PBX1: variants seen among roughly 807,000 people sequenced by gnomAD.
PBX1 encodes PBX homeobox 1.
Under a neutral mutation model 53.4 loss-of-function variants are expected in PBX1, and 6 were observed. That is an observed-to-expected ratio of 0.11 (90% CI 0.06 to 0.22). PBX1 has a LOEUF of 0.22. PBX1 is among the 10% of genes least tolerant of loss of function. PBX1 has a pLI of 1.00. For synonymous variants in PBX1, 204 were observed against 212.3 expected (o/e 0.96, Z 0.34); for missense variants, 251 against 551.4 (o/e 0.46, Z 5.46).
chr1:164,833,371 G>A (rs547471482), intron 8 of PBX1, among the ~76,000 whole-genome samples: 93 of 152,212 alleles, frequency 6.1e-4, no homozygotes, highest in African/African-American at 2.2e-3. Context: ...TATAAAATGA[G>A]CATTCTCTTT....
At chr1:164,719,291 G>A (rs1174178348) in intron 2 of PBX1, among the ~76,000 whole-genome samples, 1 of 152,206 alleles carries the variant, frequency 6.6e-6, no homozygotes, top group Non-Finnish European at 1.5e-5. Flanking sequence ...CATTCTGTTA[G>A]AGGTAGGGTT....
intron 2 of PBX1, among the ~76,000 whole-genome samples, chr1:164,872,222 A>AGCCTT (rs1486155245): frequency 1.1e-4 from 17 of 152,244 alleles, no homozygotes; most frequent in African/African-American, 4.1e-4. Flanking sequence ...GCAATCCTGC[A>AGCCTT]GCCTTGGCCC....
intron 2 of PBX1, among the ~76,000 whole-genome samples, chr1:164,785,642 T>A (rs1364584482): frequency 6.6e-6 from 1 of 152,222 alleles, no homozygotes; most frequent in Non-Finnish European, 1.5e-5. Context: ...AACCATGGGC[T>A]TCTTGAAGTC....
At chr1:164,579,326 C>A (rs1436524347) in intron 2 of PBX1, among the ~76,000 whole-genome samples, 1 of 151,366 alleles carries the variant, frequency 6.6e-6, no homozygotes, top group African/African-American at 2.5e-5. Flanking sequence ...TGCTTAGCGT[C>A]ATCTTTCACT....
chr1:164,707,418 T>TGTGAGAGA (rs58617739), intron 2 of PBX1, among the ~76,000 whole-genome samples: 17 of 118,268 alleles, frequency 1.4e-4, no homozygotes, highest in African/African-American at 6.1e-4. Flanking sequence ...TGTGTGTGTG[T>TGTGAGAGA]GAGAGAGAGA....
At chr1:164,820,640 C>G (rs2102364728) in intron 7 of PBX1, among the ~76,000 whole-genome samples, 1 of 152,234 alleles carries the variant, frequency 6.6e-6, no homozygotes, top group South Asian at 2.1e-4. Flanking sequence ...GCTTTAAAAA[C>G]ACCCAGCCAG....
chr1:164,707,869 G>C (rs953836381), intron 2 of PBX1, among the ~76,000 whole-genome samples: 1 of 152,216 alleles, frequency 6.6e-6, no homozygotes, highest in African/African-American at 2.4e-5. Context: ...CCAAGCAAAT[G>C]CTTTCGATTG....
intron 8 of PBX1, among the ~76,000 whole-genome samples, chr1:164,837,544 AT>A (rs1671100654): frequency 6.6e-6 from 1 of 152,182 alleles, no homozygotes; most frequent in Non-Finnish European, 1.5e-5. Context: ...ATGTTGTCGA[AT>A]GCTGTTTGTT....
chr1:164,875,589 A>G lies in PBX1; in HGVS notation n.258-23599A>G, dbSNP rs151070781. Among the ~76,000 whole-genome samples, 286 of 152,228 alleles carry G rather than the reference A, an allele frequency of 1.9e-3. 1 individual carries two copies. Among genetic ancestry groups the G allele is most frequent in the African/African-American group, 6.7e-3 (279 of 41,542 alleles). On this transcript the variant is annotated intron_variant and non_coding_transcript_variant, in intron 2 of 2. Coordinates refer to the PBX1 transcript ENST00000558796. ...ACTGGAATTACTGGGGCAAGCCACC[A>G]TGCCTGGGCCAAAAATCACCCTTTA...
intron 8 of PBX1, among the ~76,000 whole-genome samples, chr1:164,826,538 G>A (rs1046113179): frequency 6.6e-6 from 1 of 151,940 alleles, no homozygotes; most frequent in African/African-American, 2.4e-5. Flanking sequence ...CTAAGTAGCC[G>A]GGATTACAGG....
At chr1:164,807,403 C>T (rs1223147558) in intron 4 of PBX1, 139 bp from the exon 5 acceptor site, 2 of 1,000,706 alleles carry the variant, frequency 2.0e-6, no homozygotes, top group Non-Finnish European at 2.9e-6. Context: ...TTTTGGCATC[C>T]AGCCCCTTTT....
chr1:164,614,016 C>G (rs1657108794), intron 2 of PBX1, among the ~76,000 whole-genome samples: 1 of 152,036 alleles, frequency 6.6e-6, no homozygotes, highest in Non-Finnish European at 1.5e-5. Flanking sequence ...CCCAGGATGA[C>G]CTTCCTCTGG....
chr1:164,689,141 C>G (rs1662305767), intron 2 of PBX1, among the ~76,000 whole-genome samples: 1 of 152,198 alleles, frequency 6.6e-6, no homozygotes, highest in Admixed American at 6.5e-5. Flanking sequence ...GGTACGCTGA[C>G]AATACATTAC....
At chr1:164,643,361 A>G (rs1659260594) in intron 2 of PBX1, among the ~76,000 whole-genome samples, 1 of 152,200 alleles carries the variant, frequency 6.6e-6, no homozygotes, top group Non-Finnish European at 1.5e-5. Flanking sequence ...AATAAAAAGA[A>G]AGGGCAAAGT....
At chr1:164,738,228 G>A (rs557109602) in intron 2 of PBX1, among the ~76,000 whole-genome samples, 8 of 152,248 alleles carry the variant, frequency 5.3e-5, no homozygotes, top group African/African-American at 1.9e-4. Flanking sequence ...GTGCAAATCT[G>A]TGTGTGGCAT....
chr1:164,858,847 T>C (rs1403003016), intron 2 of PBX1, among the ~76,000 whole-genome samples: 1 of 152,228 alleles, frequency 6.6e-6, no homozygotes, highest in Non-Finnish European at 1.5e-5. Flanking sequence ...TACGCTGTTA[T>C]TGAAGTTTGT....
intron 2 of PBX1, among the ~76,000 whole-genome samples, chr1:164,866,710 T>C (rs1672228327): frequency 6.6e-6 from 1 of 152,224 alleles, no homozygotes; most frequent in Non-Finnish European, 1.5e-5. Flanking sequence ...TGTTGATTAT[T>C]TTATTATCTG....
chr1:164,804,559 T>C (rs1291330686), intron 4 of PBX1, among the ~76,000 whole-genome samples: 1 of 152,222 alleles, frequency 6.6e-6, no homozygotes, highest in Admixed American at 6.5e-5. Flanking sequence ...AGCAGAGATA[T>C]AGAACATTTC....
intron 2 of PBX1, among the ~76,000 whole-genome samples, chr1:164,720,899 C>T (rs542082653): frequency 7.9e-5 from 12 of 152,246 alleles, no homozygotes; most frequent in African/African-American, 2.4e-4. Context: ...AGGGTTTCTG[C>T]GGTTTCCTTC....
Sources: allele counts gnomAD v4.1 joint callset (sites outside exome capture counted in the v4.1 genomes callset), GRCh38; gene constraint gnomAD v4.1.1; transcripts MANE v1.5; gene names NCBI Gene and HGNC (gene_info 2026-07-23, HGNC 2026-07-21).